BMERB1: variants seen among roughly 807,000 people sequenced by gnomAD.
BMERB1 encodes bMERB domain-containing protein 1.
Under a neutral mutation model 23.6 loss-of-function variants are expected in BMERB1, and 12 were observed. The ratio of observed to expected loss-of-function variants is 0.51; its 90% CI spans 0.33 to 0.82. The LOEUF (loss-of-function observed/expected upper bound fraction) is 0.82. Among genes scored for constraint, BMERB1 ranks in the 40% least tolerant of loss-of-function variants. BMERB1 has a pLI of 0.03. For synonymous variants in BMERB1, 122 were observed against 96.6 expected (o/e 1.26, Z -1.54); for missense variants, 247 against 255.4 (o/e 0.97, Z 0.22).
At chr16:15,486,650 G>GA (rs897404673) in intron 1 of BMERB1, among the ~76,000 whole-genome samples, 9 of 151,696 alleles carry the variant, frequency 5.9e-5, no homozygotes, top group African/African-American at 2.2e-4. Context: ...ACTTCTGAGG[G>GA]AAAAAAAGGT....
intron 2 of BMERB1, among the ~76,000 whole-genome samples, chr16:15,517,225 G>C (rs1031223061): frequency 6.6e-6 from 1 of 152,164 alleles, no homozygotes; most frequent in African/African-American, 2.4e-5. Context: ...GGAAGACAGA[G>C]AGGCCAGGTG....
intron 1 of BMERB1, among the ~76,000 whole-genome samples, chr16:15,490,737 G>T (rs1480882900): frequency 6.6e-6 from 1 of 152,238 alleles, no homozygotes; most frequent in African/African-American, 2.4e-5. Flanking sequence ...CCCACCCTCT[G>T]CAAAGATCTG....
intron 1 of BMERB1, among the ~76,000 whole-genome samples, chr16:15,474,836 C>T (rs1027285712): frequency 4.6e-5 from 7 of 152,188 alleles, no homozygotes; most frequent in South Asian, 4.1e-4. Flanking sequence ...TACAGGCATG[C>T]ACCACCACGT....
intron 2 of BMERB1, among the ~76,000 whole-genome samples, chr16:15,544,102 C>T (rs989616413): frequency 2.6e-5 from 4 of 152,104 alleles, no homozygotes; most frequent in Non-Finnish European, 5.9e-5. Context: ...AGAAAAAAGA[C>T]GACATTAAAG....
intron 1 of BMERB1, among the ~76,000 whole-genome samples, chr16:15,498,713 A>AAAGGAAAG (rs2150942227): frequency 6.6e-6 from 1 of 152,232 alleles, no homozygotes; most frequent in Admixed American, 6.5e-5. Flanking sequence ...GAAAAGAGAG[A>AAAGGAAAG]AAGGAAAGAA....
At chr16:15,550,916 C>T (rs993733463) in intron 2 of BMERB1, among the ~76,000 whole-genome samples, 1 of 152,146 alleles carries the variant, frequency 6.6e-6, no homozygotes, top group Non-Finnish European at 1.5e-5. Context: ...GGATACAAAT[C>T]AGCTTTTGTT....
intron 2 of BMERB1, among the ~76,000 whole-genome samples, chr16:15,551,937 G>T (rs556100367): frequency 6.6e-6 from 1 of 152,060 alleles, no homozygotes; most frequent in Non-Finnish European, 1.5e-5. Context: ...CTTAGTTCTG[G>T]GATAACAGGC....
chr16:15,531,854 C>T (rs1436429557), intron 2 of BMERB1, among the ~76,000 whole-genome samples: 3 of 152,114 alleles, frequency 2.0e-5, no homozygotes, highest in Non-Finnish European at 2.9e-5. Flanking sequence ...TTGGCTGAGC[C>T]TCCTTCCCAC....
intron 1 of BMERB1, among the ~76,000 whole-genome samples, chr16:15,486,362 G>C (rs1436661880): frequency 6.6e-6 from 1 of 152,158 alleles, no homozygotes; most frequent in African/African-American, 2.4e-5. Flanking sequence ...GGTTCCACTG[G>C]AATTCAGGAA....
At chr16:15,439,338 G>A (rs1365652550) in intron 1 of BMERB1, among the ~76,000 whole-genome samples, 2 of 107,244 alleles carry the variant, frequency 1.9e-5, no homozygotes, top group East Asian at 2.8e-4. Context: ...TGCGCACTTC[G>A]GACTCTTGGA....
intron 2 of BMERB1, among the ~76,000 whole-genome samples, chr16:15,564,979 C>T (rs1025027440): frequency 1.3e-5 from 2 of 151,582 alleles, no homozygotes; most frequent in Non-Finnish European, 2.9e-5. Context: ...GAATGTTATC[C>T]AACTGTATAT....
intron 1 of BMERB1, among the ~76,000 whole-genome samples, chr16:15,496,581 C>T (rs1425966846): frequency 6.6e-6 from 1 of 151,918 alleles, no homozygotes; most frequent in Non-Finnish European, 1.5e-5. Context: ...CTCTGTCACC[C>T]AGCCTGGAGT....
chr16:15,441,578 A>G (rs756252623), intron 1 of BMERB1, among the ~76,000 whole-genome samples: 7 of 152,070 alleles, frequency 4.6e-5, no homozygotes, highest in East Asian at 1.9e-4. Flanking sequence ...GGGTTTTTCC[A>G]TGTTGGTCAG....
intron 1 of BMERB1, among the ~76,000 whole-genome samples, chr16:15,471,637 A>G (rs1380308727): frequency 6.6e-6 from 1 of 152,040 alleles, no homozygotes; most frequent in African/African-American, 2.4e-5. Flanking sequence ...CTTTTTAGAG[A>G]TAGGGGTCTT....
At chr16:15,529,509 C>A (rs2051946921) in intron 2 of BMERB1, among the ~76,000 whole-genome samples, 1 of 152,092 alleles carries the variant, frequency 6.6e-6, no homozygotes, top group Non-Finnish European at 1.5e-5. Flanking sequence ...CCTTAGAAGC[C>A]TTTTGTAAAT....
chr16:15,499,421 A>C (rs147221958), intron 1 of BMERB1, among the ~76,000 whole-genome samples: 98 of 152,156 alleles, frequency 6.4e-4, no homozygotes, highest in East Asian at 1.9e-3. Context: ...AAAAAACAAA[A>C]AAAAAAAGTC....
At chr16:15,470,272 T>A (rs566433727) in intron 1 of BMERB1, among the ~76,000 whole-genome samples, 15 of 152,104 alleles carry the variant, frequency 9.9e-5, no homozygotes, top group Non-Finnish European at 2.1e-4. Context: ...ATATAGTGGA[T>A]CACACATTGA....
intron 1 of BMERB1, among the ~76,000 whole-genome samples, chr16:15,444,178 G>GAT (rs2150921805): frequency 9.6e-6 from 1 of 104,170 alleles, no homozygotes; most frequent in Non-Finnish European, 1.8e-5. Context: ...TGGCTTAATG[G>GAT]ATCCTGGGAC....
At chr16:15,558,826 A>C (rs12930911) in intron 2 of BMERB1, among the ~76,000 whole-genome samples, 1 of 150,118 alleles carries the variant, frequency 6.7e-6, no homozygotes, top group African/African-American at 2.4e-5. Flanking sequence ...GGTGGGCTTC[A>C]TCAGGTTAGC....
Sources: allele counts gnomAD v4.1 joint callset (sites outside exome capture counted in the v4.1 genomes callset), GRCh38; gene constraint gnomAD v4.1.1; transcripts MANE v1.5; gene names NCBI Gene and HGNC (gene_info 2026-07-23, HGNC 2026-07-21).